The following LMLN variants were observed in gnomAD, a reference collection of about 807,000 sequenced individuals.
LMLN encodes leishmanolysin-like peptidase.
A neutral mutation model predicts 92.3 loss-of-function variants in LMLN; 70 were observed. The ratio of observed to expected loss-of-function variants is 0.76; its 90% CI spans 0.63 to 0.92. LMLN has a LOEUF of 0.92. LMLN is among the 40% of genes least tolerant of loss of function. The pLI is 0.00. For synonymous variants in LMLN, 308 were observed against 296.2 expected (o/e 1.04, Z -0.41); for missense variants, 691 against 814.6 (o/e 0.85, Z 1.85).
rs149508054 is a variant in LMLN, at chr3:198,031,139, G to T, written c.1657-4694G>T. Among the ~76,000 whole-genome samples, 1,190 of 152,342 alleles carry T rather than the reference G, an allele frequency of 7.8e-3. 11 individuals carry two copies. The highest frequency in any genetic ancestry group is 0.012 in the Non-Finnish European group (832 of 68,026). ...AATCTAAGTTTTACATGACACAGGA[G>T]CCCACATGAGTAAATGAAAACTCAA... On this transcript the variant is annotated intron_variant, in intron 14 of 15. Transcript: ENST00000330198. The surrounding 1 kb of genome is among the most constrained non-coding windows in gnomAD (Gnocchi z 4.8).
chr3:197,979,874 A>G (rs1246981654), intron 5 of LMLN, among the ~76,000 whole-genome samples: 1 of 152,216 alleles, frequency 6.6e-6, no homozygotes, highest in Non-Finnish European at 1.5e-5. Context: ...TGAATTTTTA[A>G]CAAGATGTGG....
chr3:197,992,775 C>T (rs2109886709), intron 9 of LMLN, among the ~76,000 whole-genome samples: 1 of 151,192 alleles, frequency 6.6e-6, no homozygotes, highest in East Asian at 1.9e-4. Context: ...TACTTCCAGA[C>T]TTTTTTTTTA....
intron 14 of LMLN, 136 bp from the exon 16 acceptor site, chr3:198,035,697 A>G: frequency 1.4e-6 from 1 of 709,588 alleles, no homozygotes; most frequent in Non-Finnish European, 2.3e-6. Context: ...TTATGCCCAC[A>G]CTGCAAATTG....
At chr3:197,978,133 A>C (rs923998622) in intron 5 of LMLN, among the ~76,000 whole-genome samples, 1 of 150,860 alleles carries the variant, frequency 6.6e-6, no homozygotes, top group African/African-American at 2.5e-5. Context: ...ATCATCAAAC[A>C]ATCTGGAAGT....
chr3:198,035,830 A>G lies in LMLN; in HGVS notation c.1657-3A>G. 6.2e-7 allele frequency: 1 copy of G among 1,610,200 alleles called. No homozygotes were observed. The highest frequency in any genetic ancestry group is 8.5e-7 in the Non-Finnish European group (1 of 1,177,446). The stretch of plus-strand genomic sequence containing the variant: ...TATATATCTATTTTTTTCCTGTTTG[A>G]AGGTTTCTTGTTCTCCTCAAGGTCT... On this transcript the variant is annotated splice_region_variant and splice_polypyrimidine_tract_variant and intron_variant, in intron 14 of 15. Transcript: ENST00000330198.
At chr3:198,002,745 A>T (rs2109904729) in intron 11 of LMLN, among the ~76,000 whole-genome samples, 1 of 152,326 alleles carries the variant, frequency 6.6e-6, no homozygotes, top group African/African-American at 2.4e-5. Flanking sequence ...CTCAAAATAA[A>T]ATAAAGTGAA....
chr3:197,995,657 A>C (rs1482255546), intron 9 of LMLN, among the ~76,000 whole-genome samples: 1 of 151,696 alleles, frequency 6.6e-6, no homozygotes, highest in Admixed American at 6.6e-5. Flanking sequence ...TTTTTTTGAG[A>C]TCTATTGCAC....
chr3:197,968,728 T>G (rs1721132993), intron 1 of LMLN, among the ~76,000 whole-genome samples: 1 of 152,176 alleles, frequency 6.6e-6, no homozygotes, highest in Non-Finnish European at 1.5e-5. Context: ...ATAGCATGAG[T>G]TGGGACATGT....
chr3:198,033,655 G>C (rs1470886639), intron 14 of LMLN, among the ~76,000 whole-genome samples: 1 of 152,146 alleles, frequency 6.6e-6, no homozygotes, highest in Non-Finnish European at 1.5e-5. Context: ...ACCTGCCTTG[G>C]TGTCCCACAG....
exon 6 of LMLN, chr3:197,980,454 A>G (rs1721525016): frequency 1.2e-6 from 2 of 1,613,996 alleles, no homozygotes; most frequent in Non-Finnish European, 1.7e-6. Context: ...GCAGCCATGA[A>G]AACATCATCT....
At chr3:198,010,268 C>G (rs1421084659) in intron 11 of LMLN, among the ~76,000 whole-genome samples, 1 of 152,140 alleles carries the variant, frequency 6.6e-6, no homozygotes, top group East Asian at 1.9e-4. Flanking sequence ...ATTCTCCCGA[C>G]TCAGCCTCCC....
Position 198,021,576 on chromosome 3 carries a change from C to G in LMLN, c.1496C>G (p.Ser499Ter). ...TTAAGTGGTGAATATCAGCGCAGCT[C>G]AGATTGTAGAATATTGGAAAATCAA... The change falls in exon 13 of 16, where the codon TCA (serine) becomes TGA (stop). Residue 499 changes from serine to a stop codon, truncating the protein, a stop_gained. Transcript: ENST00000330198. LOFTEE classifies it high-confidence loss of function. 1 of 1,614,074 alleles carries G rather than the reference C, an allele frequency of 6.2e-7. No homozygotes were observed. Among genetic ancestry groups the G allele is most frequent in the Non-Finnish European group, 8.5e-7 (1 of 1,179,992 alleles).
chr3:197,963,918 T>C (rs1410692018), intron 1 of LMLN, among the ~76,000 whole-genome samples: 2 of 152,212 alleles, frequency 1.3e-5, no homozygotes, highest in African/African-American at 4.8e-5. Context: ...TTTTTGTAGT[T>C]CCCTTTATCA....
At chr3:198,021,519 A>G (rs1722782532) in exon 13 of LMLN, 5 of 1,613,826 alleles carry the variant, frequency 3.1e-6, no homozygotes, top group Non-Finnish European at 3.4e-6. Flanking sequence ...ATTGCTGACT[A>G]CTGCCCTTTC....
chr3:197,972,982 C>T (rs1029688445), intron 1 of LMLN, among the ~76,000 whole-genome samples: 1 of 152,120 alleles, frequency 6.6e-6, no homozygotes, highest in Non-Finnish European at 1.5e-5. Flanking sequence ...CTCCTCAAGC[C>T]AGTGAGGCTC....
exon 7 of LMLN, chr3:197,984,046 C>T: frequency 1.3e-6 from 2 of 1,589,454 alleles, no homozygotes; most frequent in South Asian, 1.1e-5. Flanking sequence ...TATTCATGCC[C>T]TGGTAAATTC....
chr3:198,021,366 G>A (rs1722777577), intron 12 of LMLN, 80 bp from the exon 14 acceptor site: 2 of 1,238,388 alleles, frequency 1.6e-6, no homozygotes, highest in African/African-American at 1.5e-5. Flanking sequence ...TTAAAGGGTT[G>A]CGAGAAATTG....
chr3:198,036,843 A>G (rs538637596), intron 15 of LMLN, among the ~76,000 whole-genome samples: 1 of 152,336 alleles, frequency 6.6e-6, no homozygotes, highest in Non-Finnish European at 1.5e-5. Context: ...GATTATGAAC[A>G]ATAAAAATCT....
chr3:197,983,427 GGAA>G (rs1259866580), intron 6 of LMLN, among the ~76,000 whole-genome samples: 1 of 151,650 alleles, frequency 6.6e-6, no homozygotes, highest in Non-Finnish European at 1.5e-5. Flanking sequence ...TGTAGAATTT[GGAA>G]GAAGATGATG....
Sources: allele counts gnomAD v4.1 joint callset (sites outside exome capture counted in the v4.1 genomes callset), GRCh38; gene constraint gnomAD v4.1.1; non-coding constraint Gnocchi (gnomAD v3.1); transcripts MANE v1.5; gene names NCBI Gene and HGNC (gene_info 2026-07-23, HGNC 2026-07-21).